UMAD1: variants seen among roughly 807,000 people sequenced by gnomAD.
UMAD1 encodes UBAP1-MVB12-associated (UMA) domain containing 1, also known as UBAP1-MVB12-associated (UMA)-domain containing protein 1.
Under a neutral mutation model 6.1 loss-of-function variants are expected in UMAD1, and 8 were observed. The observed-to-expected ratio is 1.30, with a 90% CI of 0.76 to 2.35. UMAD1 has a LOEUF of 2.35. UMAD1 is among the 30% of genes most tolerant of loss of function. The pLI is 0.00. For missense variants in UMAD1, 130 were observed against 78.4 expected (o/e 1.66, Z -2.49); for synonymous variants, 56 against 31.4 (o/e 1.78, Z -2.61).
intron 2 of UMAD1, among the ~76,000 whole-genome samples, chr7:7,765,467 T>A (rs1781966749): frequency 6.6e-6 from 1 of 152,254 alleles, no homozygotes. Context: ...TTTATCATAT[T>A]AAACAAATTT....
At chr7:7,812,283 A>G (rs1473492578) in intron 3 of UMAD1, among the ~76,000 whole-genome samples, 3 of 152,192 alleles carry the variant, frequency 2.0e-5, no homozygotes, top group South Asian at 2.1e-4. Context: ...GTTTTATGCA[A>G]TGTTTCTGCT....
chr7:7,735,495 C>A (rs567821707), intron 2 of UMAD1, among the ~76,000 whole-genome samples: 1 of 151,776 alleles, frequency 6.6e-6, no homozygotes, highest in Non-Finnish European at 1.5e-5. Context: ...CTGCAACCTC[C>A]GCCTCCCGGG....
intron 2 of UMAD1, among the ~76,000 whole-genome samples, chr7:7,758,512 C>T (rs1312693194): frequency 8.2e-6 from 1 of 122,082 alleles, no homozygotes; most frequent in African/African-American, 3.2e-5. Flanking sequence ...AGAAAGAAAA[C>T]ATAGTGGGTG....
At chr7:7,825,436 T>A (rs1011104185) in intron 3 of UMAD1, among the ~76,000 whole-genome samples, 1 of 152,112 alleles carries the variant, frequency 6.6e-6, no homozygotes. Context: ...TTCTGCATGG[T>A]TGGGAAGGCC....
At chr7:7,760,374 G>C (rs1029386297) in intron 2 of UMAD1, among the ~76,000 whole-genome samples, 4 of 150,160 alleles carry the variant, frequency 2.7e-5, no homozygotes, top group Non-Finnish European at 5.9e-5. Flanking sequence ...GGCTAACACG[G>C]TGAAACCCTG....
At chr7:7,757,235 C>G (rs1781796294) in intron 2 of UMAD1, among the ~76,000 whole-genome samples, 1 of 152,168 alleles carries the variant, frequency 6.6e-6, no homozygotes. Context: ...ACTCCCTGAT[C>G]CTTTATTTTC....
intron 3 of UMAD1, among the ~76,000 whole-genome samples, chr7:7,835,500 T>TTTTTTTTTTTTTA (rs776524699): frequency 2.0e-5 from 2 of 102,496 alleles, no homozygotes; most frequent in Non-Finnish European, 4.0e-5. Context: ...TTTTTTTTTT[T>TTTTTTTTTTTTTA]AGCTCTTAGC....
chr7:7,874,455 CATCCACA>C (rs1784381676), intron 3 of UMAD1, among the ~76,000 whole-genome samples: 1 of 152,156 alleles, frequency 6.6e-6, no homozygotes. Context: ...AGATGAATCT[CATCCACA>C]TAATGTTGAG....
intron 2 of UMAD1, among the ~76,000 whole-genome samples, chr7:7,778,273 T>TAA (rs1782265013): frequency 2.1e-5 from 2 of 94,780 alleles, no homozygotes; most frequent in Non-Finnish European, 4.5e-5. Context: ...TGTGTGTGTG[T>TAA]GTGAGAGAGA....
chr7:7,710,567 A>C (rs1780729770), intron 2 of UMAD1, among the ~76,000 whole-genome samples: 1 of 152,200 alleles, frequency 6.6e-6, no homozygotes. Flanking sequence ...AAATGCTGGT[A>C]AGGATGAAGA....
At chr7:7,804,156 G>C (rs538784025) in intron 3 of UMAD1, among the ~76,000 whole-genome samples, 1 of 152,252 alleles carries the variant, frequency 6.6e-6, no homozygotes, top group South Asian at 2.1e-4. Flanking sequence ...TACCGGCTGG[G>C]CAATGAGAGG....
At chr7:7,659,483 C>T (rs974540902) in intron 1 of UMAD1, among the ~76,000 whole-genome samples, 1 of 152,052 alleles carries the variant, frequency 6.6e-6, no homozygotes, top group Non-Finnish European at 1.5e-5. Flanking sequence ...TAGATGTGTC[C>T]CAGGGATTCT....
chr7:7,794,532 A>C (rs892399622), intron 2 of UMAD1, among the ~76,000 whole-genome samples: 1 of 152,124 alleles, frequency 6.6e-6, no homozygotes, highest in South Asian at 2.1e-4. Context: ...GACAGGAGAG[A>C]TCTTGGTATA....
intron 2 of UMAD1, among the ~76,000 whole-genome samples, chr7:7,700,830 G>A (rs544024017): frequency 6.6e-6 from 1 of 152,246 alleles, no homozygotes; most frequent in South Asian, 2.1e-4. Context: ...GGAGGTTGCA[G>A]TGAGCTGAGA....
chr7:7,742,865 TTAAAC>T (rs1411346057), intron 2 of UMAD1, among the ~76,000 whole-genome samples: 3 of 152,350 alleles, frequency 2.0e-5, no homozygotes, highest in Non-Finnish European at 4.4e-5. Context: ...TAGACTTGCT[TTAAAC>T]TAACCCCATC....
At chr7:7,782,962 A>G (rs1782378764) in intron 2 of UMAD1, among the ~76,000 whole-genome samples, 1 of 152,192 alleles carries the variant, frequency 6.6e-6, no homozygotes, top group Non-Finnish European at 1.5e-5. Context: ...TGAACGCCTG[A>G]CTTCAGGTAA....
intron 3 of UMAD1, among the ~76,000 whole-genome samples, chr7:7,845,784 T>C (rs539540526): frequency 6.6e-6 from 1 of 152,248 alleles, no homozygotes; most frequent in South Asian, 2.1e-4. Flanking sequence ...AGTAGAGTTT[T>C]CAAATTTCCT....
At chr7:7,860,753 C>T (rs949655269) in intron 3 of UMAD1, among the ~76,000 whole-genome samples, 3 of 145,038 alleles carry the variant, frequency 2.1e-5, no homozygotes, top group East Asian at 4.0e-4. Context: ...CCAGCCTGGG[C>T]GACAAAGCGA....
chr7:7,774,077 G>A (rs1039037522), intron 2 of UMAD1, among the ~76,000 whole-genome samples: 2 of 152,156 alleles, frequency 1.3e-5, no homozygotes, highest in Non-Finnish European at 2.9e-5. Flanking sequence ...TTGATAGCTG[G>A]TGCTTTTTCT....
Sources: gnomAD v4.1 joint callset for allele counts (sites outside exome capture counted in the v4.1 genomes callset) on GRCh38, gnomAD v4.1.1 for gene constraint, MANE v1.5 for transcripts, NCBI Gene and HGNC (gene_info 2026-07-23, HGNC 2026-07-21) for gene names.